Variants in SASS6 observed in about 807,000 individuals in gnomAD.
The protein encoded by SASS6 is spindle assembly abnormal protein 6 homolog.
Under a neutral mutation model 94.9 loss-of-function variants are expected in SASS6, and 59 were observed. The observed-to-expected ratio is 0.62, with a 90% confidence interval of 0.50 to 0.77. The LOEUF is 0.77. Among genes scored for constraint, SASS6 ranks in the 30% least tolerant of loss-of-function variants. SASS6 has a pLI of 0.00. For missense variants in SASS6, 698 were observed against 734.1 expected (o/e 0.95, Z 0.57); for synonymous variants, 264 against 270.0 (o/e 0.98, Z 0.22).
At chr1:100,114,047 A>G (rs1557890043) in intron 7 of SASS6, among the ~76,000 whole-genome samples, 2 of 152,054 alleles carry the variant, frequency 1.3e-5, no homozygotes, top group Non-Finnish European at 2.9e-5. Flanking sequence ...TAGATGAAAC[A>G]CATGGCTTTT....
In SASS6 at chr1:100,132,838, G is replaced by T; in HGVS notation, c.-24C>A. On this transcript the variant is annotated 5_prime_UTR_variant, in exon 1 of 17. Transcript: ENST00000287482. ...ATGTTGGCTCGCTGCCTCGGCTGGT[G>T]TGCAGAAAAGCCCAACAGGCCCGGC... is the stretch of plus-strand genomic sequence containing the variant. 6.2e-7 allele frequency: 1 copy of T among 1,610,488 alleles called. No homozygotes were observed. The highest frequency in any genetic ancestry group is 8.5e-7 in the Non-Finnish European group (1 of 1,176,770).
chr1:100,129,649 C>T (rs948091049), intron 1 of SASS6, among the ~76,000 whole-genome samples: 1 of 152,080 alleles, frequency 6.6e-6, no homozygotes, highest in African/African-American at 2.4e-5. Context: ...GGATTTAAGA[C>T]ATACCTGAAA....
chr1:100,122,414 G>T lies in SASS6; in HGVS notation c.277C>A (p.Gln93Lys). The T allele has an allele frequency of 6.4e-7, 1 of 1,570,918 alleles. No homozygotes were observed. The highest frequency in any genetic ancestry group is 2.2e-5 in the East Asian group (1 of 44,468). ...FPQKFIDLLQ[Q>K]CTQEHAKEIP... is the part of the protein sequence containing the mutation. ...TCTTTGGCATGTTCTTGAGTACATT[G>T]CTGAAGGAGATCTATAAATTTTTGT... The change falls in exon 4 of 17, where the codon CAA becomes AAA. Residue 93 changes from glutamine (Q) to lysine (K), a missense_variant. Transcript: ENST00000287482.
Position 100,085,443 on chromosome 1 carries a change from G to T in SASS6, c.1868-9C>A. Reference sequence around the variant, plus strand: ...GCCATCTCTCTGATGGTCTGCAAATGAGGACAAAAAAAGGTTACTGGTATT... The same window carrying T: ...GCCATCTCTCTGATGGTCTGCAAATTAGGACAAAAAAAGGTTACTGGTATT... On this transcript the variant is annotated splice_polypyrimidine_tract_variant and intron_variant, in intron 16 of 16. Coordinates refer to ENST00000287482, the MANE Select transcript of SASS6 (RefSeq NM_194292.3). 1 of 1,596,550 alleles carries T rather than the reference G, an allele frequency of 6.3e-7. No individual in the cohort carries two copies. Among genetic ancestry groups the T allele is most frequent in the Non-Finnish European group, 8.6e-7 (1 of 1,164,958 alleles).
chr1:100,125,222 A>AGTGTGTGTGTGTGTGTGTGT lies in SASS6; in HGVS notation c.126+640_126+659dup, dbSNP rs59388922. ...TGAAATGCCAATTCTACAAGGCAGC[A>AGTGTGTGTGTGTGTGTGTGT]GTGTGTGTGTGTGTGTGTGTGTGTG... is the stretch of plus-strand genomic sequence containing the variant. On this transcript the variant is annotated intron_variant, in intron 2 of 16. Coordinates refer to ENST00000287482, the MANE Select transcript of SASS6 (RefSeq NM_194292.3). 3.1e-3 allele frequency among the ~76,000 whole-genome samples: 440 copies of AGTGTGTGTGTGTGTGTGTGT among 143,718 alleles called. 3 individuals are homozygous for AGTGTGTGTGTGTGTGTGTGT. The highest frequency in any genetic ancestry group is 0.01 in the African/African-American group (410 of 39,098). The allele number at this position is 143,718 out of a possible 152,430, so 94.3% of individuals were successfully genotyped here. A position where few individuals can be genotyped will look rare whatever the true frequency, so the allele number is the denominator to read the frequency against.
At chr1:100,121,626 C>T (rs1654207124) in intron 4 of SASS6, 77 bp from the exon 5 acceptor site, 1 of 816,638 alleles carries the variant, frequency 1.2e-6, no homozygotes. Flanking sequence ...AGCTTCTCTA[C>T]TTAAGAAAGC....
At chr1:100,126,367 T>A (rs1654620656) in intron 1 of SASS6, among the ~76,000 whole-genome samples, 1 of 152,254 alleles carries the variant, frequency 6.6e-6, no homozygotes, top group East Asian at 1.9e-4. Context: ...CTTACTGCCC[T>A]GATTCTAAAA....
intron 2 of SASS6, among the ~76,000 whole-genome samples, chr1:100,124,419 C>T (rs934857792): frequency 6.6e-6 from 1 of 152,160 alleles, no homozygotes; most frequent in Non-Finnish European, 1.5e-5. Context: ...CTCGCTCTGT[C>T]GCCCAGTCTA....
chr1:100,089,730 TA>T (rs1651549429), intron 14 of SASS6, among the ~76,000 whole-genome samples: 1 of 152,036 alleles, frequency 6.6e-6, no homozygotes, highest in African/African-American at 2.4e-5. Flanking sequence ...TAAGAAGCCT[TA>T]AAAACCTGTA....
intron 1 of SASS6, among the ~76,000 whole-genome samples, chr1:100,131,973 T>C (rs1466016176): frequency 1.3e-5 from 2 of 151,542 alleles, no homozygotes; most frequent in Non-Finnish European, 2.9e-5. Flanking sequence ...CATTGAGTGT[T>C]AGAACTGAGA....
chr1:100,131,083 T>C (rs938596555), intron 1 of SASS6, among the ~76,000 whole-genome samples: 1 of 152,224 alleles, frequency 6.6e-6, no homozygotes, highest in African/African-American at 2.4e-5. Context: ...GAAACCAAAG[T>C]CATGGCCTCC....
At chr1:100,117,291 C>CA (rs60675693) in intron 7 of SASS6, among the ~76,000 whole-genome samples, 3,408 of 94,572 alleles carry the variant, frequency 0.036, 49 homozygotes, top group Non-Finnish European at 0.042. Context: ...AATTCTGTCT[C>CA]AAAAAAAAAA....
At chr1:100,092,167 C>T (rs1328383655) in intron 14 of SASS6, among the ~76,000 whole-genome samples, 1 of 149,548 alleles carries the variant, frequency 6.7e-6, no homozygotes, top group African/African-American at 2.5e-5. Flanking sequence ...CTGTGAAAAA[C>T]TAAAAATATA....
At chr1:100,126,052 C>A in intron 1 of SASS6, 110 bp from the exon 2 acceptor site, 2 of 602,226 alleles carry the variant, frequency 3.3e-6, no homozygotes, top group Non-Finnish European at 2.9e-6. Context: ...CACAGGTGTT[C>A]TCTAACTTAT....
chr1:100,112,892 T>C (rs1371498886), intron 7 of SASS6, among the ~76,000 whole-genome samples: 3 of 152,222 alleles, frequency 2.0e-5, no homozygotes, highest in Admixed American at 6.5e-5. Flanking sequence ...TGCATTCTAA[T>C]GCACCCTTCA....
chr1:100,111,903 A>C (rs1310300455), intron 7 of SASS6, among the ~76,000 whole-genome samples: 1 of 152,136 alleles, frequency 6.6e-6, no homozygotes, highest in Non-Finnish European at 1.5e-5. Context: ...AAGACACTAA[A>C]GACAATAGAG....
intron 14 of SASS6, among the ~76,000 whole-genome samples, chr1:100,101,776 T>C (rs1308481107): frequency 6.6e-6 from 1 of 152,208 alleles, no homozygotes; most frequent in Non-Finnish European, 1.5e-5. Context: ...CATAACAGTA[T>C]TCCAGGCATA....
intron 3 of SASS6, 83 bp downstream of exon 3, chr1:100,123,127 A>G (rs1654328773): frequency 1.6e-6 from 1 of 623,778 alleles, no homozygotes. Context: ...ATATGTAGGT[A>G]TGTGTTTGAA....
chr1:100,106,814 A>G (rs933111791), intron 12 of SASS6, 98 bp downstream of exon 12: 2 of 637,070 alleles, frequency 3.1e-6, no homozygotes, highest in African/African-American at 3.8e-5. Context: ...AGATCATGCC[A>G]CTGCACTCCA....
Sources: allele counts gnomAD v4.1 joint callset (sites outside exome capture counted in the v4.1 genomes callset), GRCh38; gene constraint gnomAD v4.1.1; transcripts MANE v1.5; gene names NCBI Gene and HGNC (gene_info 2026-07-23, HGNC 2026-07-21).